CR1L: variants seen among roughly 807,000 people sequenced by gnomAD.
The protein encoded by CR1L is complement C3b/C4b receptor 1 like, also known as complement component receptor 1-like protein.
Under a neutral mutation model 62.3 loss-of-function variants are expected in CR1L, and 59 were observed. The ratio of observed to expected loss-of-function variants is 0.95; its 90% CI spans 0.77 to 1.18. The LOEUF is 1.18. Ranked by LOEUF, CR1L falls within the 50% of genes most tolerant of loss-of-function variation. The probability of loss-of-function intolerance (pLI) is 0.00; values close to 1 mark genes in which losing one functional copy is unlikely to be tolerated. For synonymous variants in CR1L, 279 were observed against 248.7 expected (o/e 1.12, Z -1.15); for missense variants, 700 against 702.8 (o/e 1.00, Z 0.04).
chr1:207,721,696 G>C (rs1273911585), intron 11 of CR1L, among the ~76,000 whole-genome samples: 1 of 150,682 alleles, frequency 6.6e-6, no homozygotes, highest in African/African-American at 2.5e-5. Context: ...TAGTCCTTTG[G>C]GTATATACCC....
At position 207,717,492 on chromosome 1, in the gene CR1L, C is replaced by T. The variant is rs1571539077; in HGVS notation, c.1443C>T (p.Ile481=). The T allele has an allele frequency of 6.2e-7, 1 of 1,613,676 alleles. No homozygotes were observed. The highest frequency in any genetic ancestry group is 2.2e-5 in the East Asian group (1 of 44,888). The part of the protein sequence containing the change: ...QQIFCPNPPA[I]LNGRHTGTPL... ...TCTTTTGTCCAAATCCTCCAGCTAT[C>T]CTTAATGGGAGACACACAGGAACTC... Residue 481 remains isoleucine (I), a synonymous_variant, in exon 11 of 12, where the codon ATC becomes ATT. Coordinates refer to ENST00000508064, the MANE Select transcript of CR1L (RefSeq NM_175710.2).
rs555008536 is a variant in CR1L at position 207,697,636 on chromosome 1, C to T, written c.996C>T (p.Cys332=). The T allele has an allele frequency of 5.0e-6, 8 of 1,613,888 alleles. No individual in the cohort carries two copies. Among genetic ancestry groups the T allele is most frequent in the Non-Finnish European group, 5.9e-6 (7 of 1,179,894 alleles). Residue 332 remains cysteine, a synonymous_variant, in exon 6 of 12, where the codon TGC becomes TGT. Transcript: ENST00000508064. ...YDLRGSTYLH[C]TPQGDWSPAA... ...TCAGAGGATCTACGTATTTGCACTG[C>T]ACACCCCAGGGAGACTGGAGCCCTG...
chr1:207,708,068 G>A, intron 9 of CR1L, 110 bp from the exon 10 acceptor site: 1 of 1,286,646 alleles, frequency 7.8e-7, no homozygotes, highest in Non-Finnish European at 1.1e-6. Context: ...GTTTAGGCTA[G>A]GCCTTAGACT....
chr1:207,713,504 G>T (rs551450848), intron 10 of CR1L, among the ~76,000 whole-genome samples: 2 of 152,242 alleles, frequency 1.3e-5, no homozygotes, highest in African/African-American at 4.8e-5. Flanking sequence ...CTCTACCCAG[G>T]ATCAATGCAG....
intron 5 of CR1L, among the ~76,000 whole-genome samples, chr1:207,695,512 C>T (rs1664063815): frequency 6.6e-6 from 1 of 152,142 alleles, no homozygotes; most frequent in Non-Finnish European, 1.5e-5. Context: ...GACTGAAACG[C>T]AAGTCCACCC....
At chr1:207,708,931 C>A in intron 10 of CR1L, 1 of 361,256 alleles carries the variant, frequency 2.8e-6, no homozygotes, top group East Asian at 7.3e-5. Context: ...GTATTCAGTT[C>A]TTCCAAGATC....
Position 207,699,113 on chromosome 1 carries a change from G to T in CR1L, c.1143-76G>T. The T allele has an allele frequency of 8.8e-6, 14 of 1,593,190 alleles. No individual in the cohort carries two copies. The Admixed American group carries it at 1.7e-4, about 19-fold the overall frequency. ...CAGGTCCTCAAAATCCTGAAATTGG[G>T]GCTGGGCCTTAGATTGTGAACTAAG... is the stretch of plus-strand genomic sequence containing the variant. On this transcript the variant is annotated intron_variant, in intron 7 of 11. Transcript: ENST00000508064.
intron 1 of CR1L, among the ~76,000 whole-genome samples, chr1:207,658,170 G>GA (rs1375838760): frequency 1.3e-5 from 2 of 151,134 alleles, no homozygotes; most frequent in Non-Finnish European, 3.0e-5. Flanking sequence ...ACTTACGTTA[G>GA]AAAAAAAAGA....
chr1:207,648,588 A>G (rs199519480), intron 1 of CR1L, among the ~76,000 whole-genome samples: 1 of 42,824 alleles, frequency 2.3e-5, no homozygotes, highest in Non-Finnish European at 5.0e-5. Flanking sequence ...AGAAGGAAAC[A>G]TGTGTCAAAT....
At chr1:207,701,442 C>T in intron 8 of CR1L, 77 bp from the exon 9 acceptor site, 1 of 1,561,240 alleles carries the variant, frequency 6.4e-7, no homozygotes, top group Admixed American at 1.7e-5. Context: ...CAGGAAGCTA[C>T]ATGCAGGTTG....
intron 10 of CR1L, chr1:207,710,326 G>A: frequency 1.8e-6 from 2 of 1,088,874 alleles, no homozygotes; most frequent in South Asian, 1.3e-5. Context: ...CTGGGCGACA[G>A]AGCAAGACTC....
At chr1:207,677,608 C>CAG in intron 2 of CR1L, 40 bp downstream of exon 2, 1 of 1,590,258 alleles carries the variant, frequency 6.3e-7, no homozygotes, top group Non-Finnish European at 8.6e-7. Flanking sequence ...GTTAGTCAAA[C>CAG]ATCTGTAAGA....
chr1:207,666,963 G>A (rs1414179105), intron 1 of CR1L, among the ~76,000 whole-genome samples: 1 of 151,936 alleles, frequency 6.6e-6, no homozygotes, highest in African/African-American at 2.4e-5. Context: ...CTGTGATTTT[G>A]ACCATCTCCC....
rs1337114396 is a variant in CR1L at position 207,694,718 on chromosome 1, A to G, written c.829A>G (p.Lys277Glu). 1 of 1,611,916 alleles carries G rather than the reference A, an allele frequency of 6.2e-7. No individual in the cohort carries two copies. Among genetic ancestry groups the G allele is most frequent in the South Asian group, 1.1e-5 (1 of 90,996 alleles). ...PSHVKCQALN[K>E]WEPELPSCSR... Reference sequence around the variant, plus strand: ...CCATGTGAAGTGCCAGGCCCTGAACAAATGGGAGCCAGAGTTACCAAGCTG... The same window carrying G: ...CCATGTGAAGTGCCAGGCCCTGAACGAATGGGAGCCAGAGTTACCAAGCTG... The change falls in exon 5 of 12, where the codon AAA becomes GAA. Residue 277 changes from lysine to glutamate, a missense_variant. Physicochemically the swap from Lys to Glu is moderately conservative, Grantham distance 56. Transcript: ENST00000508064.
At chr1:207,702,820 T>C (rs1393292427) in intron 9 of CR1L, among the ~76,000 whole-genome samples, 1 of 152,224 alleles carries the variant, frequency 6.6e-6, no homozygotes, top group Non-Finnish European at 1.5e-5. Flanking sequence ...CTGTGGCTCA[T>C]GCCTGTAATT....
chr1:207,696,554 GAA>G (rs1251001067), intron 5 of CR1L, among the ~76,000 whole-genome samples: 5 of 152,144 alleles, frequency 3.3e-5, no homozygotes, highest in Admixed American at 1.3e-4. Flanking sequence ...TTAGTCAAGG[GAA>G]ACACTGGGTG....
intron 1 of CR1L, among the ~76,000 whole-genome samples, chr1:207,667,889 A>G (rs1380603128): frequency 6.6e-6 from 1 of 151,236 alleles, no homozygotes; most frequent in African/African-American, 2.5e-5. Flanking sequence ...AAAAGAAGAC[A>G]TAGAAATGGC....
At position 207,717,600 on chromosome 1, in the gene CR1L, T is replaced by C. The variant is rs1558027462; in HGVS notation, c.1551T>C (p.Ile517=). ...HPDRGMTFNL[I]GESTIRRTSE... ...ACAGAGGGATGACCTTCAACCTCAT[T>C]GGGGAGAGCACCATCCGCCGCACAA... is the stretch of plus-strand genomic sequence containing the variant. The change falls in exon 11 of 12, where the codon ATT becomes ATC. Residue 517 remains isoleucine, a synonymous_variant. Coordinates refer to ENST00000508064, the MANE Select transcript of CR1L (RefSeq NM_175710.2). 6.2e-7 allele frequency: 1 copy of C among 1,613,778 alleles called. No homozygotes were observed. Among genetic ancestry groups the C allele is most frequent in the Admixed American group, 1.7e-5 (1 of 59,992 alleles).
At position 207,691,153 on chromosome 1, in the gene CR1L, A is replaced by T. The variant is rs149813890; in HGVS notation, c.464-3200A>T. Reference sequence around the variant, plus strand: ...AATCTTTACTTTATGTATTTTAAACATGTTATTAAATGCATGTTTAAATAA... The same window carrying T: ...AATCTTTACTTTATGTATTTTAAACTTGTTATTAAATGCATGTTTAAATAA... On this transcript the variant is annotated intron_variant, in intron 4 of 11. Transcript: ENST00000508064. 1.2e-4 allele frequency among the ~76,000 whole-genome samples: 18 copies of T among 152,320 alleles called. No individual in the cohort carries two copies. In the East Asian group the frequency reaches 3.5e-3, roughly 29 times the overall value.
Sources: gnomAD v4.1 joint callset for allele counts (sites outside exome capture counted in the v4.1 genomes callset) on GRCh38, gnomAD v4.1.1 for gene constraint, MANE v1.5 for transcripts, NCBI Gene and HGNC (gene_info 2026-07-23, HGNC 2026-07-21) for gene names.